Variants in SH3RF3 observed in about 807,000 individuals in gnomAD.
SH3RF3 encodes the protein E3 ubiquitin-protein ligase SH3RF3.
A neutral mutation model predicts 66.3 loss-of-function variants in SH3RF3; 29 were observed. The ratio of observed to expected loss-of-function variants is 0.44; its 90% CI spans 0.33 to 0.60. The LOEUF (loss-of-function observed/expected upper bound fraction) is 0.60, where lower values mean the gene tolerates loss of function less well. Ranked by LOEUF, SH3RF3 falls within the 20% of genes least tolerant of loss-of-function variation. The probability of loss-of-function intolerance (pLI) is 0.04; values close to 1 mark genes in which losing one functional copy is unlikely to be tolerated. For synonymous variants in SH3RF3, 583 were observed against 532.0 expected, an observed-to-expected ratio of 1.10 and a Z score of -1.32; for missense variants, 1,194 against 1,190.9, an observed-to-expected ratio of 1.00 and a Z score of -0.04.
chr2:109,410,105 C>T (rs140088430), intron 4 of SH3RF3, among the ~76,000 whole-genome samples: 229 of 152,312 alleles, frequency 1.5e-3, no homozygotes, highest in African/African-American at 4.8e-3. Context: ...GCTTAGGGGC[C>T]CCATTAAAAT....
intron 1 of SH3RF3, among the ~76,000 whole-genome samples, chr2:109,180,918 TGCAGTGGGATTTATCA>T (rs1162131770): frequency 6.6e-6 from 1 of 152,234 alleles, no homozygotes. Context: ...CAGAGAGCTC[TGCAGTGGGATTTATCA>T]GCAGATTTCT....
intron 1 of SH3RF3, among the ~76,000 whole-genome samples, chr2:109,318,969 C>T (rs181911679): frequency 6.6e-6 from 1 of 152,336 alleles, no homozygotes; most frequent in East Asian, 1.9e-4. Flanking sequence ...ATTTGTATTT[C>T]AAGTGTCTGT....
chr2:109,172,466 A>G (rs1368123648), intron 1 of SH3RF3, among the ~76,000 whole-genome samples: 1 of 152,196 alleles, frequency 6.6e-6, no homozygotes, highest in Non-Finnish European at 1.5e-5. Flanking sequence ...GCAAACTTTT[A>G]TCCTCTTGGT....
intron 3 of SH3RF3, among the ~76,000 whole-genome samples, chr2:109,377,633 T>C (rs1438357538): frequency 6.6e-6 from 1 of 152,220 alleles, no homozygotes; most frequent in Non-Finnish European, 1.5e-5. Flanking sequence ...AAAATCTTTA[T>C]TTAGTGAAAT....
chr2:109,210,402 G>A (rs1038523187), intron 1 of SH3RF3, among the ~76,000 whole-genome samples: 2 of 152,180 alleles, frequency 1.3e-5, no homozygotes, highest in East Asian at 1.9e-4. Context: ...GTGCTCCCTC[G>A]TTTTGTCTGT....
chr2:109,272,630 G>A (rs147241106), intron 1 of SH3RF3, among the ~76,000 whole-genome samples: 6 of 152,216 alleles, frequency 3.9e-5, no homozygotes, highest in African/African-American at 9.6e-5. Flanking sequence ...ACATGCTTCC[G>A]CACAGACACA....
chr2:109,437,702 T>C (rs924185387), intron 7 of SH3RF3, among the ~76,000 whole-genome samples: 1 of 151,166 alleles, frequency 6.6e-6, no homozygotes, highest in Admixed American at 6.6e-5. Context: ...ATCCTTCGCC[T>C]TCATGGCAGC....
At chr2:109,326,045 G>C (rs984528046) in intron 1 of SH3RF3, among the ~76,000 whole-genome samples, 2 of 152,246 alleles carry the variant, frequency 1.3e-5, no homozygotes, top group African/African-American at 4.8e-5. Flanking sequence ...TGGAGACCTA[G>C]AGGCCCTCCA....
intron 1 of SH3RF3, among the ~76,000 whole-genome samples, chr2:109,323,660 C>G (rs1028241935): frequency 6.6e-6 from 1 of 152,212 alleles, no homozygotes; most frequent in Non-Finnish European, 1.5e-5. Context: ...TGTGTGTCCG[C>G]CAAGCTCCCT....
chr2:109,312,238 A>G (rs1681745427), intron 1 of SH3RF3, among the ~76,000 whole-genome samples: 1 of 152,228 alleles, frequency 6.6e-6, no homozygotes, highest in African/African-American at 2.4e-5. Context: ...GGCCAGAGGG[A>G]CAAATGTACC....
intron 4 of SH3RF3, among the ~76,000 whole-genome samples, chr2:109,419,262 G>T (rs1382199324): frequency 2.0e-5 from 3 of 152,168 alleles, no homozygotes; most frequent in African/African-American, 4.8e-5. Context: ...CTGGAACACG[G>T]CCTGACTACA....
At chr2:109,211,390 G>C (rs1678971306) in intron 1 of SH3RF3, among the ~76,000 whole-genome samples, 1 of 152,226 alleles carries the variant, frequency 6.6e-6, no homozygotes, top group Admixed American at 6.5e-5. Flanking sequence ...GCTAAATCAG[G>C]AGGTGTTATA....
rs1400986470 is a variant in SH3RF3, at chr2:109,490,806, G to A, written c.2350G>A (p.Gly784Ser). 2.6e-6 allele frequency: 4 copies of A among 1,536,870 alleles called. No homozygotes were observed. Among genetic ancestry groups the A allele is most frequent in the Admixed American group, 2.0e-5 (1 of 50,974 alleles). The change falls in exon 9 of 10, where the codon GGT (glycine) becomes AGT (serine). Residue 784 changes from glycine (G) to serine (S), a missense_variant. Coordinates refer to ENST00000309415, the MANE Select transcript of SH3RF3 (RefSeq NM_001099289.3). ...GSCPIESEMQ[G>S]AMGMEPLHRK... ...CTGCCCCATAGAGAGCGAGATGCAG[G>A]GTGCCATGGGGATGGAGCCTCTGCA...
chr2:109,138,914 C>T (rs1225797610), intron 1 of SH3RF3, among the ~76,000 whole-genome samples: 1 of 152,204 alleles, frequency 6.6e-6, no homozygotes, highest in African/African-American at 2.4e-5. Flanking sequence ...GGCCTTTCTG[C>T]AACTGACCAT....
At chr2:109,320,337 G>A (rs1263014194) in intron 1 of SH3RF3, among the ~76,000 whole-genome samples, 1 of 152,146 alleles carries the variant, frequency 6.6e-6, no homozygotes, top group Non-Finnish European at 1.5e-5. Flanking sequence ...GGAGGTACAG[G>A]CCCTCACCCT....
intron 8 of SH3RF3, among the ~76,000 whole-genome samples, chr2:109,474,702 G>A (rs79950702): frequency 0.014 from 2,056 of 152,294 alleles, 35 homozygotes; most frequent in South Asian, 0.078. Flanking sequence ...CCAAAGCATC[G>A]CAGATACTTC....
chr2:109,347,060 C>T (rs1034366225), intron 1 of SH3RF3, among the ~76,000 whole-genome samples: 4 of 152,186 alleles, frequency 2.6e-5, no homozygotes, highest in Non-Finnish European at 4.4e-5. Flanking sequence ...GTGGAACGCT[C>T]AGCACGACGG....
intron 3 of SH3RF3, among the ~76,000 whole-genome samples, chr2:109,386,196 A>T (rs189075094): frequency 1.3e-5 from 2 of 152,308 alleles, no homozygotes. Flanking sequence ...AGAGCTGGGG[A>T]GGGAAGGAGG....
chr2:109,255,599 A>C (rs1452908895), intron 1 of SH3RF3, among the ~76,000 whole-genome samples: 1 of 152,254 alleles, frequency 6.6e-6, no homozygotes, highest in Non-Finnish European at 1.5e-5. Flanking sequence ...AAAATGTTTT[A>C]TGAGGTAGGC....
Sources: allele counts gnomAD v4.1 joint callset (sites outside exome capture counted in the v4.1 genomes callset), GRCh38; gene constraint gnomAD v4.1.1; transcripts MANE v1.5; gene names NCBI Gene and HGNC (gene_info 2026-07-23, HGNC 2026-07-21).